The following SGK3 variants were observed in gnomAD, a reference collection of about 807,000 sequenced individuals.
SGK3 encodes serine/threonine-protein kinase Sgk3.
SGK3 carries 47 observed loss-of-function variants against 68.5 expected under a neutral mutation model. The observed-to-expected ratio is 0.69, with a 90% CI of 0.54 to 0.87. The LOEUF (loss-of-function observed/expected upper bound fraction) is 0.87. Among genes scored for constraint, SGK3 ranks in the 40% least tolerant of loss-of-function variants. SGK3 has a pLI of 0.00. For synonymous variants in SGK3, 181 were observed against 189.1 expected (o/e 0.96, Z 0.35); for missense variants, 479 against 575.5 (o/e 0.83, Z 1.72).
Position 66,840,125 on chromosome 8 carries a change from T to A in SGK3, c.854+10T>A. 3.1e-6 allele frequency: 5 copies of A among 1,608,460 alleles called. No individual in the cohort carries two copies. The highest frequency in any genetic ancestry group is 4.2e-6 in the Non-Finnish European group (5 of 1,178,090). Reference sequence around the variant, plus strand: ...TCAAAATAGTATACAGGTACAATTTTAAAATATACTTGTAAAAATTGTATA... The same window carrying A: ...TCAAAATAGTATACAGGTACAATTTAAAAATATACTTGTAAAAATTGTATA... On this transcript the variant is annotated intron_variant, in intron 11 of 16. Transcript: ENST00000521198.
At chr8:66,751,742 T>A (rs1366247763) in intron 1 of SGK3, among the ~76,000 whole-genome samples, 1 of 147,786 alleles carries the variant, frequency 6.8e-6, no homozygotes, top group Non-Finnish European at 1.5e-5. Context: ...AAATCATTCA[T>A]TTTATTTATT....
chr8:66,840,677 G>A (rs183056290), intron 12 of SGK3: 201 of 205,386 alleles, frequency 9.8e-4, no homozygotes, highest in African/African-American at 4.2e-3. Context: ...TAATTTATTG[G>A]CCGGGTGTGG....
chr8:66,833,571 A>C (rs1207960596), intron 8 of SGK3, among the ~76,000 whole-genome samples: 1 of 152,246 alleles, frequency 6.6e-6, no homozygotes, highest in Non-Finnish European at 1.5e-5. Context: ...TTGACTCTGT[A>C]GATCAATTTG....
intron 1 of SGK3, among the ~76,000 whole-genome samples, chr8:66,772,421 G>T (rs1806541096): frequency 6.7e-6 from 1 of 148,680 alleles, no homozygotes; most frequent in Non-Finnish European, 1.5e-5. Context: ...TTGAGGCAGG[G>T]TCTCTCTCTG....
chr8:66,788,331 A>G (rs111696516), intron 1 of SGK3, among the ~76,000 whole-genome samples: 3,994 of 152,292 alleles, frequency 0.026, 87 homozygotes, highest in South Asian at 0.054. Context: ...TTGTTTTTAC[A>G]TAGTCTCTTG....
chr8:66,796,706 AG>A (rs1388323552), intron 2 of SGK3, among the ~76,000 whole-genome samples: 1 of 152,136 alleles, frequency 6.6e-6, no homozygotes, highest in African/African-American at 2.4e-5. Context: ...ACTTAAACCA[AG>A]TCTAAATTAT....
At chr8:66,739,177 A>G (rs56215867) in intron 1 of SGK3, among the ~76,000 whole-genome samples, 19,944 of 152,154 alleles carry the variant, frequency 0.13, 2,497 homozygotes, top group African/African-American at 0.33. Context: ...TGGGAAGTTC[A>G]AGGACATGGC....
At chr8:66,767,324 A>T in intron 1 of SGK3, 3 of 891,438 alleles carry the variant, frequency 3.4e-6, no homozygotes, top group Non-Finnish European at 5.3e-6. Flanking sequence ...ATTTAAGTAT[A>T]TATCTTTTTT....
intron 1 of SGK3, among the ~76,000 whole-genome samples, chr8:66,764,481 G>T (rs1278215450): frequency 6.6e-6 from 1 of 151,704 alleles, no homozygotes; most frequent in Non-Finnish European, 1.5e-5. Context: ...TTTTTGTTTT[G>T]TTTTTTGAGA....
intron 5 of SGK3, among the ~76,000 whole-genome samples, chr8:66,817,298 G>A (rs1405449716): frequency 6.6e-6 from 1 of 151,916 alleles, no homozygotes; most frequent in African/African-American, 2.4e-5. Context: ...AGGCATGGTG[G>A]CCTGTGCCTG....
In SGK3 at chr8:66,852,403, T is replaced by G. The variant is rs376404983; in HGVS notation, c.1320+1483T>G. Among the ~76,000 whole-genome samples the G allele has an allele frequency of 6.7e-5, 10 of 148,988 alleles. No individual in the cohort carries two copies. The East Asian group carries it at 1.9e-3, about 28-fold the overall frequency. The stretch of plus-strand genomic sequence containing the variant: ...TTCAGGAGATTCTCCTACCTCAGCC[T>G]CCCAAGTAGCTGGGACTACAGGCAT... On this transcript the variant is annotated intron_variant, in intron 16 of 16. Transcript: ENST00000521198.
rs549051285 is a variant in SGK3 at position 66,822,558 on chromosome 8, A to G, written c.417+99A>G. The G allele has an allele frequency of 6.1e-6, 7 of 1,147,896 alleles. No individual in the cohort carries two copies. The African/African-American group carries it at 1.1e-4, about 18-fold the overall frequency. 71.1% of individuals were successfully genotyped at this position (1,147,896 alleles called of 1,614,324 possible). A position where few individuals can be genotyped will look rare whatever the true frequency, so the allele number is the denominator to read the frequency against. Reference sequence around the variant, plus strand: ...TACTTCAAATGAAGTAATTTCATCCATAGTAGAGTTTCTACTATGTAGAAC... The same window carrying G: ...TACTTCAAATGAAGTAATTTCATCCGTAGTAGAGTTTCTACTATGTAGAAC... On this transcript the variant is annotated intron_variant, in intron 6 of 16. Transcript: ENST00000521198.
At chr8:66,834,842 A>G (rs1809450002) in intron 8 of SGK3, among the ~76,000 whole-genome samples, 1 of 151,012 alleles carries the variant, frequency 6.6e-6, no homozygotes, top group Admixed American at 6.6e-5. Flanking sequence ...CGGGAGGCTG[A>G]GGCAGGAGAA....
At position 66,739,051 on chromosome 8, in the gene SGK3, A is replaced by G. The variant is rs191012007; in HGVS notation, c.-122+26218A>G. ...CACTGTCCCACCTCTGGATACATCT[A>G]TCTTAACAGATTACTGTAGTTCATT... On this transcript the variant is annotated intron_variant, in intron 1 of 16. Transcript: ENST00000521198. Among the ~76,000 whole-genome samples, 5 of 152,270 alleles carry G rather than the reference A, an allele frequency of 3.3e-5. No individual in the cohort carries two copies. The East Asian group carries it at 7.7e-4, about 23-fold the overall frequency.
chr8:66,860,704 T>A lies in SGK3; in HGVS notation c.*1123T>A, dbSNP rs1333236579. 6.6e-6 allele frequency: 1 copy of A among 152,236 alleles called. No individual in the cohort carries two copies. The highest frequency in any genetic ancestry group is 1.5e-5 in the Non-Finnish European group (1 of 68,040). 9.4% of individuals were successfully genotyped at this position (152,236 alleles called of 1,614,324 possible). On this transcript the variant is annotated 3_prime_UTR_variant, in exon 17 of 17. Transcript: ENST00000521198. ...TTCTATTCATCTTTTGAATGTTTAG[T>A]ATGCTATTAAGTCATTCTGAATCTT... is the stretch of plus-strand genomic sequence containing the variant.
At chr8:66,767,374 CA>C in intron 1 of SGK3, 1 of 1,179,450 alleles carries the variant, frequency 8.5e-7, no homozygotes, top group Non-Finnish European at 1.3e-6. Flanking sequence ...GAAATATACA[CA>C]AACTCTAAAG....
At chr8:66,792,031 G>A (rs915351612) in intron 1 of SGK3, among the ~76,000 whole-genome samples, 6 of 152,072 alleles carry the variant, frequency 3.9e-5, no homozygotes, top group African/African-American at 7.2e-5. Context: ...ATTCAGCTAC[G>A]TAGAAATCTT....
chr8:66,846,934 G>A (rs1439788938), intron 14 of SGK3, among the ~76,000 whole-genome samples: 2 of 152,144 alleles, frequency 1.3e-5, no homozygotes, highest in Admixed American at 1.3e-4. Context: ...ACTACAAGTT[G>A]TATATAATTT....
chr8:66,796,487 A>C (rs1272474716), intron 2 of SGK3, among the ~76,000 whole-genome samples: 1 of 150,184 alleles, frequency 6.7e-6, no homozygotes, highest in African/African-American at 2.5e-5. Context: ...TAATAGAAAC[A>C]GGGTCTTGGT....
Sources: gnomAD v4.1 joint callset for allele counts (sites outside exome capture counted in the v4.1 genomes callset) on GRCh38, gnomAD v4.1.1 for gene constraint, MANE v1.5 for transcripts, NCBI Gene and HGNC (gene_info 2026-07-23, HGNC 2026-07-21) for gene names.